LINGO2: variants seen among roughly 807,000 people sequenced by gnomAD.
LINGO2 encodes leucine rich repeat and Ig domain containing 2.
Under a neutral mutation model 30.6 loss-of-function variants are expected in LINGO2, and 14 were observed. The ratio of observed to expected loss-of-function variants is 0.46; its 90% CI spans 0.30 to 0.72. The LOEUF (loss-of-function observed/expected upper bound fraction) is 0.72. LINGO2 is among the 30% of genes least tolerant of loss of function. The pLI, the probability that LINGO2 is intolerant of heterozygous loss-of-function variation, is 0.07. For synonymous variants in LINGO2, 317 were observed against 288.5 expected, an observed-to-expected ratio of 1.10 and a Z score of -1.00; for missense variants, 729 against 751.7, an observed-to-expected ratio of 0.97 and a Z score of 0.35.
At chr9:27,963,463 A>G (rs941422538) in intron 5 of LINGO2, among the ~76,000 whole-genome samples, 1 of 152,268 alleles carries the variant, frequency 6.6e-6, no homozygotes, top group African/African-American at 2.4e-5. Flanking sequence ...AAGAAAGGAA[A>G]GAGATCATGG....
chr9:28,084,972 G>A (rs1179646863), intron 4 of LINGO2, among the ~76,000 whole-genome samples: 2 of 152,054 alleles, frequency 1.3e-5, no homozygotes, highest in Non-Finnish European at 2.9e-5. Flanking sequence ...ACCATGAATT[G>A]CTATATAAGG....
At chr9:28,009,505 A>T (rs903710243) in intron 5 of LINGO2, among the ~76,000 whole-genome samples, 1 of 152,172 alleles carries the variant, frequency 6.6e-6, no homozygotes, top group Non-Finnish European at 1.5e-5. Context: ...GACTATATAT[A>T]GAACTTTTAT....
the LINGO2 span, among the ~76,000 whole-genome samples, chr9:29,132,770 A>T: frequency 6.6e-6 from 1 of 152,210 alleles, no homozygotes; most frequent in Admixed American, 6.5e-5. Context: ...GCTAGTTCAG[A>T]TCTTCTCAGA....
chr9:28,323,188 G>C (rs1825109007), intron 3 of LINGO2, among the ~76,000 whole-genome samples: 1 of 152,108 alleles, frequency 6.6e-6, no homozygotes, highest in Non-Finnish European at 1.5e-5. Context: ...AATTTCAAAA[G>C]GATCTTCAAA....
chr9:28,795,254 G>A, the LINGO2 span, among the ~76,000 whole-genome samples: 5 of 152,120 alleles, frequency 3.3e-5, no homozygotes, highest in Admixed American at 6.6e-5. Context: ...AGCAAATACC[G>A]TGTGCTCAAT....
the LINGO2 span, among the ~76,000 whole-genome samples, chr9:29,026,001 A>ATAAAAAAT: frequency 6.6e-6 from 1 of 151,976 alleles, no homozygotes; most frequent in South Asian, 2.1e-4. Flanking sequence ...ATACTGTTCC[A>ATAAAAAAT]TTGTGCAGAA....
intron 1 of LINGO2, among the ~76,000 whole-genome samples, chr9:28,486,307 C>G (rs1826161388): frequency 6.6e-6 from 1 of 151,984 alleles, no homozygotes; most frequent in Admixed American, 6.6e-5. Context: ...TTCTTACACA[C>G]AAGAAAAGTA....
At chr9:28,496,129 A>C (rs1819616270) in intron 1 of LINGO2, among the ~76,000 whole-genome samples, 1 of 151,932 alleles carries the variant, frequency 6.6e-6, no homozygotes, top group Admixed American at 6.6e-5. Flanking sequence ...AGAAGAATGT[A>C]TATTCTGTTG....
the LINGO2 span, among the ~76,000 whole-genome samples, chr9:29,060,938 G>C: frequency 6.6e-6 from 1 of 151,748 alleles, no homozygotes; most frequent in Non-Finnish European, 1.5e-5. Context: ...ACCCAGGATA[G>C]GTAAAATAGA....
the LINGO2 span, among the ~76,000 whole-genome samples, chr9:28,988,280 A>G: frequency 6.6e-6 from 1 of 152,158 alleles, no homozygotes. Context: ...ATACAATATA[A>G]TAGCTTTCTT....
At chr9:28,747,756 T>C in the LINGO2 span, among the ~76,000 whole-genome samples, 1 of 146,410 alleles carries the variant, frequency 6.8e-6, no homozygotes, top group Non-Finnish European at 1.5e-5. Flanking sequence ...TAGCAATCCC[T>C]ATAAAACATA....
At chr9:28,489,187 T>C (rs1239652596) in intron 1 of LINGO2, among the ~76,000 whole-genome samples, 1 of 152,172 alleles carries the variant, frequency 6.6e-6, no homozygotes, top group Non-Finnish European at 1.5e-5. Context: ...GATCATGATA[T>C]CACACTTTAA....
At chr9:28,867,391 A>C in the LINGO2 span, among the ~76,000 whole-genome samples, 2 of 152,010 alleles carry the variant, frequency 1.3e-5, no homozygotes, top group Admixed American at 6.6e-5. Flanking sequence ...AATGCAAGTC[A>C]GGGTATAAAA....
chr9:28,947,872 C>G, the LINGO2 span, among the ~76,000 whole-genome samples: 3 of 151,964 alleles, frequency 2.0e-5, no homozygotes, highest in Admixed American at 1.3e-4. Flanking sequence ...GGATACTTCA[C>G]ATATAAGGAT....
At chr9:28,470,590 A>T (rs1422467176) in intron 2 of LINGO2, among the ~76,000 whole-genome samples, 27 of 152,148 alleles carry the variant, frequency 1.8e-4, no homozygotes, top group Admixed American at 1.8e-3. Context: ...CCCTAGTTTC[A>T]AATGGCTGAA....
chr9:28,621,628 G>A (rs1826399403), intron 1 of LINGO2, among the ~76,000 whole-genome samples: 1 of 151,930 alleles, frequency 6.6e-6, no homozygotes, highest in Non-Finnish European at 1.5e-5. Flanking sequence ...TTGGCATGGT[G>A]TCTTTTAACT....
chr9:28,988,884 G>GT, the LINGO2 span, among the ~76,000 whole-genome samples: 3 of 152,030 alleles, frequency 2.0e-5, no homozygotes, highest in African/African-American at 7.2e-5. Flanking sequence ...AGTGTTTCAG[G>GT]TTTTTTTCTA....
At chr9:28,480,161 A>G (rs1825903818) in intron 1 of LINGO2, among the ~76,000 whole-genome samples, 1 of 151,608 alleles carries the variant, frequency 6.6e-6, no homozygotes, top group African/African-American at 2.4e-5. Context: ...AGAACTTTTA[A>G]CAACACAGGA....
At chr9:28,491,565 T>A (rs1374672196) in intron 1 of LINGO2, among the ~76,000 whole-genome samples, 1 of 152,224 alleles carries the variant, frequency 6.6e-6, no homozygotes, top group East Asian at 1.9e-4. Context: ...TCCTCTTCTT[T>A]GCATTATTTG....
Sources: gnomAD v4.1 joint callset for allele counts (sites outside exome capture counted in the v4.1 genomes callset) on GRCh38, gnomAD v4.1.1 for gene constraint, MANE v1.5 for transcripts, NCBI Gene and HGNC (gene_info 2026-07-23, HGNC 2026-07-21) for gene names.